The following KLHL3 variants were observed in gnomAD, a reference collection of about 807,000 sequenced individuals.
The protein encoded by KLHL3 is kelch like family member 3, also known as kelch-like protein 3.
A neutral mutation model predicts 70.5 loss-of-function variants in KLHL3; 19 were observed. The ratio of observed to expected loss-of-function variants is 0.27; its 90% CI spans 0.19 to 0.40. The LOEUF (loss-of-function observed/expected upper bound fraction) is 0.40. KLHL3 is among the 10% of genes least tolerant of loss of function. The probability of loss-of-function intolerance (pLI) is 1.00; values close to 1 mark genes in which losing one functional copy is unlikely to be tolerated. For missense variants in KLHL3, 512 were observed against 771.1 expected, an observed-to-expected ratio of 0.66 and a Z score of 3.98; for synonymous variants, 258 against 290.3, an observed-to-expected ratio of 0.89 and a Z score of 1.13.
Position 137,720,526 on chromosome 5 carries a change from T to C in KLHL3, c.73A>G (p.Thr25Ala). 6.2e-7 allele frequency: 1 copy of C among 1,614,162 alleles called. No individual in the cohort carries two copies. The highest frequency in any genetic ancestry group is 8.5e-7 in the Non-Finnish European group (1 of 1,179,998). The change falls in exon 2 of 15, where the codon ACG (threonine) becomes GCG (alanine). Residue 25 changes from threonine (T) to alanine (A), a missense_variant. By Grantham distance (58) the Thr-to-Ala change is moderately conservative. Coordinates refer to ENST00000309755, the MANE Select transcript of KLHL3 (RefSeq NM_017415.3). ...QAGDDEKNQR[T>A]ITVNPAHMGK... ...ATGTGGGCAGGGTTGACAGTGATCG[T>C]CCTCTGGTTCTTCTCATCATCCCCA...
At chr5:137,704,256 G>A (rs1752634819) in intron 3 of KLHL3, among the ~76,000 whole-genome samples, 2 of 152,040 alleles carry the variant, frequency 1.3e-5, no homozygotes, top group African/African-American at 2.4e-5. Flanking sequence ...GCGGTGGCGG[G>A]CGCCTGTAGT....
chr5:137,659,968 T>C (rs1268693496), intron 7 of KLHL3, among the ~76,000 whole-genome samples: 1 of 152,158 alleles, frequency 6.6e-6, no homozygotes, highest in African/African-American at 2.4e-5. Context: ...GCAGTGTTGG[T>C]GGAGGTCTGC....
intron 3 of KLHL3, among the ~76,000 whole-genome samples, chr5:137,708,969 G>A (rs1028797668): frequency 1.1e-4 from 17 of 152,190 alleles, no homozygotes; most frequent in East Asian, 1.9e-4. Flanking sequence ...TCCTTCTGTC[G>A]GCAGTGATTT....
intron 5 of KLHL3, among the ~76,000 whole-genome samples, chr5:137,682,383 C>G (rs543151979): frequency 3.2e-4 from 37 of 113,868 alleles, no homozygotes; most frequent in African/African-American, 1.1e-3. Context: ...CTTAAGAATC[C>G]CTCTCAGGGG....
At chr5:137,633,075 T>C (rs1466084617) in intron 12 of KLHL3, among the ~76,000 whole-genome samples, 3 of 151,884 alleles carry the variant, frequency 2.0e-5, no homozygotes, top group Admixed American at 2.0e-4. Flanking sequence ...GGTCAGGAGA[T>C]TGAGACCATC....
At chr5:137,655,557 TC>T (rs1363718254) in intron 8 of KLHL3, among the ~76,000 whole-genome samples, 2 of 152,134 alleles carry the variant, frequency 1.3e-5, no homozygotes, top group African/African-American at 4.8e-5. Flanking sequence ...TCAATTTGAC[TC>T]CTTAAAAACT....
intron 1 of KLHL3, 98 bp from the exon 2 acceptor site, chr5:137,720,682 G>A: frequency 1.3e-6 from 2 of 1,574,028 alleles, no homozygotes; most frequent in Non-Finnish European, 1.7e-6. Flanking sequence ...ACCTACCAGA[G>A]GCATCTATCA....
At chr5:137,634,412 C>T (rs1750717903) in intron 11 of KLHL3, among the ~76,000 whole-genome samples, 2 of 152,192 alleles carry the variant, frequency 1.3e-5, no homozygotes, top group South Asian at 4.1e-4. Flanking sequence ...TAAATAAGTA[C>T]CCGCAAATAC....
chr5:137,636,776 C>A (rs1320176588), intron 11 of KLHL3, among the ~76,000 whole-genome samples: 1 of 152,178 alleles, frequency 6.6e-6, no homozygotes, highest in East Asian at 1.9e-4. Context: ...TCCCTCCTAC[C>A]TTACCCTACA....
Position 137,734,681 on chromosome 5 carries a change from G to A in KLHL3, c.14+952C>T, listed in dbSNP as rs1234423873. Among the ~76,000 whole-genome samples, 3 of 152,160 alleles carry A rather than the reference G, an allele frequency of 2.0e-5. No homozygotes were observed. The East Asian group carries it at 5.8e-4, about 29-fold the overall frequency. On this transcript the variant is annotated intron_variant, in intron 1 of 14. Coordinates refer to ENST00000309755, the MANE Select transcript of KLHL3 (RefSeq NM_017415.3). The stretch of plus-strand genomic sequence containing the variant: ...CTGGAGCAGCAGGCTTCCCCTCAGT[G>A]GTGCACTGCCATGGCCGGACCCCTC...
rs1041312232 is a variant in KLHL3 at position 137,622,862 on chromosome 5, T to C, written c.1736-736A>G. ...TACAGGTTGATTCCGTCAACATCCT[T>C]CCTACTTGCTATCCTCGACTACAGC... On this transcript the variant is annotated intron_variant, in intron 14 of 14. Coordinates refer to ENST00000309755, the MANE Select transcript of KLHL3 (RefSeq NM_017415.3). Among the ~76,000 whole-genome samples, 31 of 152,214 alleles carry C rather than the reference T, an allele frequency of 2.0e-4. 1 individual carries two copies. The highest frequency in any genetic ancestry group is 3.8e-4 in the Non-Finnish European group (26 of 68,032).
At chr5:137,654,134 T>C (rs1751281280) in intron 8 of KLHL3, among the ~76,000 whole-genome samples, 1 of 152,220 alleles carries the variant, frequency 6.6e-6, no homozygotes, top group Admixed American at 6.5e-5. Context: ...TGGAAACTTT[T>C]TGTAGTGATT....
chr5:137,705,331 T>C (rs566359204), intron 3 of KLHL3, among the ~76,000 whole-genome samples: 28 of 152,232 alleles, frequency 1.8e-4, no homozygotes, highest in Non-Finnish European at 4.0e-4. Flanking sequence ...AGGAACTTCA[T>C]GCCTGGGAAG....
intron 5 of KLHL3, among the ~76,000 whole-genome samples, chr5:137,681,104 C>T (rs369185957): frequency 2.0e-5 from 3 of 152,168 alleles, no homozygotes; most frequent in South Asian, 4.2e-4. Context: ...TTAATTCTAT[C>T]GAATTCAACA....
rs757503242 is a variant in KLHL3, at chr5:137,628,309, G to A, written c.1579C>T (p.Arg527Trp). ...WKQVADMNMC[R>W]RNAGVCAVNG... Reference sequence around the variant, plus strand: ...GAGCAGTCATTACCTGCGTTGCGCCGGCACATGTTCATGTCTGCCACTTGC... The same window carrying A: ...GAGCAGTCATTACCTGCGTTGCGCCAGCACATGTTCATGTCTGCCACTTGC... The change falls in exon 13 of 15, where the codon CGG becomes TGG. Residue 527 changes from arginine to tryptophan, a missense_variant. Physicochemically the swap from Arg to Trp is moderately radical, Grantham distance 101. Coordinates refer to ENST00000309755, the MANE Select transcript of KLHL3 (RefSeq NM_017415.3). 17 of 1,613,888 alleles carry A rather than the reference G, an allele frequency of 1.1e-5. No homozygotes were observed. Among genetic ancestry groups the A allele is most frequent in the East Asian group, 2.2e-5 (1 of 44,884 alleles).
At chr5:137,653,558 C>T (rs951868678) in intron 8 of KLHL3, among the ~76,000 whole-genome samples, 2 of 152,168 alleles carry the variant, frequency 1.3e-5, no homozygotes, top group Non-Finnish European at 2.9e-5. Flanking sequence ...TGAGATACTA[C>T]CACAGACCTA....
At chr5:137,629,801 C>T (rs1750584365) in intron 12 of KLHL3, 1 of 152,158 alleles carries the variant, frequency 6.6e-6, no homozygotes, top group African/African-American at 2.4e-5. Flanking sequence ...TTGTTGAGTT[C>T]CAAAGCTGCC....
intron 2 of KLHL3, among the ~76,000 whole-genome samples, chr5:137,713,325 A>T (rs1752833109): frequency 6.6e-6 from 1 of 152,158 alleles, no homozygotes. Context: ...TGGTACTAGT[A>T]TAAGGATAGC....
rs116453902 is a variant in KLHL3 at position 137,620,571 on chromosome 5, G to A, written c.*1527C>T. On this transcript the variant is annotated 3_prime_UTR_variant, in exon 15 of 15. Transcript: ENST00000309755. ...ATTCTCCAGACACAAGACTTCCCCT[G>A]CTTATGCCAGAAATTTCAGCATGAG... 6.6e-6 allele frequency: 1 copy of A among 152,308 alleles called. No individual in the cohort carries two copies. Among genetic ancestry groups the A allele is most frequent in the African/African-American group, 2.4e-5 (1 of 41,556 alleles). 9.4% of individuals were successfully genotyped at this position (152,308 alleles called of 1,614,324 possible).
Sources: gnomAD v4.1 joint callset for allele counts (sites outside exome capture counted in the v4.1 genomes callset) on GRCh38, gnomAD v4.1.1 for gene constraint, MANE v1.5 for transcripts, NCBI Gene and HGNC (gene_info 2026-07-23, HGNC 2026-07-21) for gene names.